ZCWPW2: variants seen among roughly 807,000 people sequenced by gnomAD.
The protein encoded by ZCWPW2 is zinc finger CW-type PWWP domain protein 2.
In ZCWPW2, 45 loss-of-function variants were observed where a neutral mutation model predicts 46.6. The observed-to-expected ratio is 0.96, with a 90% confidence interval of 0.76 to 1.24. ZCWPW2 has a LOEUF of 1.24. ZCWPW2 is among the 50% of genes most tolerant of loss of function. ZCWPW2 has a pLI of 0.00. For synonymous variants in ZCWPW2, 152 were observed against 137.1 expected (o/e 1.11, Z -0.76); for missense variants, 429 against 403.9 (o/e 1.06, Z -0.53).
intron 4 of ZCWPW2, among the ~76,000 whole-genome samples, chr3:28,465,889 C>T (rs1386735473): frequency 6.6e-6 from 1 of 152,150 alleles, no homozygotes; most frequent in African/African-American, 2.4e-5. Context: ...ATGTTCATCA[C>T]AGCATCATTC....
At chr3:28,516,497 G>C (rs1700578166) in intron 8 of ZCWPW2, among the ~76,000 whole-genome samples, 1 of 151,962 alleles carries the variant, frequency 6.6e-6, no homozygotes, top group African/African-American at 2.4e-5. Flanking sequence ...GAAAGTTTTA[G>C]TTTTCAAAGG....
intron 4 of ZCWPW2, among the ~76,000 whole-genome samples, chr3:28,468,308 G>A (rs1449937491): frequency 2.0e-5 from 3 of 151,906 alleles, no homozygotes; most frequent in African/African-American, 4.8e-5. Context: ...GCACACCTAC[G>A]ATATCTAGAA....
At chr3:28,495,923 AAACAACTGTCC>A (rs759656400) in intron 6 of ZCWPW2, among the ~76,000 whole-genome samples, 7 of 152,026 alleles carry the variant, frequency 4.6e-5, no homozygotes, top group Non-Finnish European at 8.8e-5. Flanking sequence ...GGGCTGTGTA[AAACAACTGTCC>A]AACATTTGGG....
intron 2 of ZCWPW2, among the ~76,000 whole-genome samples, chr3:28,407,637 T>C (rs984337120): frequency 5.3e-5 from 8 of 152,300 alleles, no homozygotes; most frequent in African/African-American, 1.9e-4. Flanking sequence ...TAACCATTCA[T>C]ATACATTTCC....
At chr3:28,509,627 C>T (rs1316823677) in intron 6 of ZCWPW2, among the ~76,000 whole-genome samples, 2 of 152,056 alleles carry the variant, frequency 1.3e-5, no homozygotes, top group Non-Finnish European at 2.9e-5. Flanking sequence ...GTTTATACAT[C>T]TTCTTTGGAG....
chr3:28,357,699 C>G (rs1303245940), intron 1 of ZCWPW2, among the ~76,000 whole-genome samples: 2 of 151,546 alleles, frequency 1.3e-5, no homozygotes, highest in East Asian at 3.9e-4. Context: ...ACCACTGACT[C>G]TCCTCGTTCT....
rs750962823 is a variant in ZCWPW2 at position 28,435,158 on chromosome 3, T to G, written c.381T>G (p.Thr127=). The part of the protein sequence containing the change: ...CPDRFKGKYV[T]YDPDGNVEEY... Reference sequence around the variant, plus strand: ...ACCGTTTTAAAGGGAAATATGTAACTTATGACCCGGATGGAAATGTTGAAG... The same window carrying G: ...ACCGTTTTAAAGGGAAATATGTAACGTATGACCCGGATGGAAATGTTGAAG... Residue 127 remains threonine, a synonymous_variant, in exon 4 of 10, where the codon ACT becomes ACG. Transcript: ENST00000383768. 38 of 1,613,508 alleles carry G rather than the reference T, an allele frequency of 2.4e-5. No individual in the cohort carries two copies. In the Admixed American group the frequency reaches 6.2e-4, roughly 26 times the overall value.
At chr3:28,417,710 C>CAT (rs1696661538) in intron 3 of ZCWPW2, among the ~76,000 whole-genome samples, 1 of 119,082 alleles carries the variant, frequency 8.4e-6, no homozygotes, top group African/African-American at 3.3e-5. Flanking sequence ...GCTGGTTCAA[C>CAT]ATACGAAAAT....
intron 1 of ZCWPW2, among the ~76,000 whole-genome samples, chr3:28,357,212 T>C (rs62251131): frequency 0.21 from 31,389 of 152,050 alleles, 3,615 homozygotes; most frequent in Middle Eastern, 0.27. Context: ...TACGAATAAA[T>C]AATAATGAAA....
intron 1 of ZCWPW2, among the ~76,000 whole-genome samples, chr3:28,369,206 C>G (rs1056836598): frequency 6.6e-6 from 1 of 152,218 alleles, no homozygotes; most frequent in African/African-American, 2.4e-5. Flanking sequence ...TGGTGAGGAA[C>G]TGTATTCCTT....
At chr3:28,404,329 T>C (rs1575097356) in intron 2 of ZCWPW2, among the ~76,000 whole-genome samples, 1 of 148,688 alleles carries the variant, frequency 6.7e-6, no homozygotes, top group African/African-American at 2.4e-5. Flanking sequence ...CACAATGCGA[T>C]ACCACCTTAC....
intron 1 of ZCWPW2, among the ~76,000 whole-genome samples, chr3:28,369,057 C>T (rs1262424457): frequency 7.2e-5 from 11 of 152,066 alleles, no homozygotes; most frequent in African/African-American, 9.7e-5. Context: ...GTTAGCCATT[C>T]GTCTAATTTT....
intron 4 of ZCWPW2, among the ~76,000 whole-genome samples, chr3:28,457,904 A>G (rs1436345710): frequency 5.9e-5 from 9 of 152,224 alleles, no homozygotes; most frequent in African/African-American, 1.7e-4. Context: ...TACCATCTTA[A>G]TCATTTTTAA....
chr3:28,356,770 C>T (rs148864602), intron 1 of ZCWPW2, among the ~76,000 whole-genome samples: 1,700 of 152,208 alleles, frequency 0.011, 29 homozygotes, highest in African/African-American at 0.03. Flanking sequence ...AACCAAACAC[C>T]GCATGTTCTC....
intron 5 of ZCWPW2, among the ~76,000 whole-genome samples, chr3:28,488,227 C>T (rs149566611): frequency 1.3e-5 from 2 of 152,108 alleles, no homozygotes; most frequent in East Asian, 3.9e-4. Context: ...GTTTTCCTAC[C>T]CCTATACTAG....
chr3:28,498,365 G>A (rs1217044244), intron 6 of ZCWPW2, among the ~76,000 whole-genome samples: 4 of 151,778 alleles, frequency 2.6e-5, no homozygotes, highest in African/African-American at 9.7e-5. Context: ...TCGTTGTTGT[G>A]TCACCTTAGG....
chr3:28,499,296 C>T (rs1055305252), intron 6 of ZCWPW2, among the ~76,000 whole-genome samples: 3 of 152,152 alleles, frequency 2.0e-5, no homozygotes, highest in South Asian at 2.1e-4. Context: ...TCTCCATATC[C>T]TCTCCAGCAT....
intron 4 of ZCWPW2, among the ~76,000 whole-genome samples, chr3:28,477,585 T>A (rs1369383984): frequency 6.6e-6 from 1 of 152,204 alleles, no homozygotes; most frequent in Non-Finnish European, 1.5e-5. Flanking sequence ...TATTTATGTG[T>A]AGTGGGAGCA....
At chr3:28,387,165 A>C (rs1695309202) in intron 1 of ZCWPW2, among the ~76,000 whole-genome samples, 1 of 152,168 alleles carries the variant, frequency 6.6e-6, no homozygotes, top group Non-Finnish European at 1.5e-5. Context: ...TGGTTTTCCC[A>C]GATCCCTCCA....
Sources: allele counts gnomAD v4.1 joint callset (sites outside exome capture counted in the v4.1 genomes callset), GRCh38; gene constraint gnomAD v4.1.1; transcripts MANE v1.5; gene names NCBI Gene and HGNC (gene_info 2026-07-23, HGNC 2026-07-21).